HORMAD2: variants seen among roughly 807,000 people sequenced by gnomAD.
HORMAD2 encodes the protein HORMA domain containing 2.
In HORMAD2, 45 loss-of-function variants were observed where a neutral mutation model predicts 38.8. The ratio of observed to expected loss-of-function variants is 1.16; its 90% CI spans 0.91 to 1.49. The LOEUF (loss-of-function observed/expected upper bound fraction) is 1.49. Among genes scored for constraint, HORMAD2 ranks in the 40% most tolerant of loss-of-function variants. HORMAD2 has a pLI of 0.00. For synonymous variants in HORMAD2, 126 were observed against 122.8 expected (o/e 1.03, Z -0.17); for missense variants, 338 against 367.0 (o/e 0.92, Z 0.65).
At chr22:30,080,449 A>C (rs1378644257), upstream of HORMAD2, 1 of 152,342 alleles carries the variant, frequency 6.6e-6, no homozygotes, top group Non-Finnish European at 1.5e-5. Context: ...GGGCCGGAAA[A>C]GGCCGTTGAC....
At chr22:30,134,974 G>A (rs957712740) in intron 10 of HORMAD2, among the ~76,000 whole-genome samples, 12 of 152,096 alleles carry the variant, frequency 7.9e-5, no homozygotes, top group African/African-American at 2.4e-5. Flanking sequence ...ACAACTTTGC[G>A]TGATATTTTA....
intron 10 of HORMAD2, among the ~76,000 whole-genome samples, chr22:30,153,205 T>A (rs1428377291): frequency 6.6e-6 from 1 of 152,200 alleles, no homozygotes; most frequent in African/African-American, 2.4e-5. Flanking sequence ...CTGTTCTTAC[T>A]GCCAAAACTC....
intron 10 of HORMAD2, among the ~76,000 whole-genome samples, chr22:30,163,427 CT>C (rs1925577100): frequency 6.6e-6 from 1 of 151,832 alleles, no homozygotes; most frequent in Admixed American, 6.6e-5. Context: ...ATTTTCTTTT[CT>C]TTTTTTGTTT....
intron 3 of HORMAD2, among the ~76,000 whole-genome samples, chr22:30,101,882 C>A (rs992105057): frequency 6.6e-6 from 1 of 152,072 alleles, no homozygotes; most frequent in African/African-American, 2.4e-5. Flanking sequence ...GCCTGAACAA[C>A]ACGGTGAAAC....
At chr22:30,172,451 C>G (rs1396563107) in intron 10 of HORMAD2, among the ~76,000 whole-genome samples, 1 of 152,192 alleles carries the variant, frequency 6.6e-6, no homozygotes, top group East Asian at 1.9e-4. Flanking sequence ...ACTATGTCTC[C>G]TTGATCTTTG....
Position 30,094,007 on chromosome 22 carries a change from T to C in HORMAD2, c.51+4T>C. The C allele has an allele frequency of 6.3e-7, 1 of 1,594,616 alleles. No individual in the cohort carries two copies. The highest frequency in any genetic ancestry group is 8.6e-7 in the Non-Finnish European group (1 of 1,166,356). On this transcript the variant is annotated splice_donor_region_variant and intron_variant, in intron 2 of 10. Transcript: ENST00000336726. ...CACAATACACAAGGCTTCTAAGGTA[T>C]TTGTTAAGAATTAAAAGAAAATCAA...
At chr22:30,139,977 T>A (rs1451987580) in intron 10 of HORMAD2, among the ~76,000 whole-genome samples, 2 of 148,238 alleles carry the variant, frequency 1.3e-5, no homozygotes, top group African/African-American at 2.6e-5. Flanking sequence ...GTGTGTGTAT[T>A]TATATTGCTA....
intron 10 of HORMAD2, among the ~76,000 whole-genome samples, chr22:30,166,616 G>T (rs1925797208): frequency 6.6e-6 from 1 of 152,274 alleles, no homozygotes; most frequent in East Asian, 1.9e-4. Flanking sequence ...ATTGTGTAAA[G>T]CATTGCAGAG....
the HORMAD2 span, among the ~76,000 whole-genome samples, chr22:30,203,133 G>A: frequency 2.6e-5 from 4 of 152,184 alleles, no homozygotes; most frequent in Non-Finnish European, 4.4e-5. Flanking sequence ...TCAGCCTTAC[G>A]CCTGTAATCC....
intron 10 of HORMAD2, among the ~76,000 whole-genome samples, chr22:30,162,950 C>T (rs1925542693): frequency 6.6e-6 from 1 of 152,110 alleles, no homozygotes; most frequent in Non-Finnish European, 1.5e-5. Flanking sequence ...GATCCACCCG[C>T]CTCAGCCTCC....
intron 1 of HORMAD2, among the ~76,000 whole-genome samples, chr22:30,085,118 C>T (rs2068548000): frequency 6.6e-6 from 1 of 151,372 alleles, no homozygotes; most frequent in Admixed American, 6.6e-5. Flanking sequence ...TGCACTCCAG[C>T]CTGGGCAACA....
chr22:30,130,032 TA>T (rs1177029016), intron 10 of HORMAD2, among the ~76,000 whole-genome samples: 7 of 152,166 alleles, frequency 4.6e-5, no homozygotes. Context: ...TTTAAAACTT[TA>T]AAAATAATTT....
chr22:30,079,834 C>G (rs573701396), upstream of HORMAD2, among the ~76,000 whole-genome samples: 29 of 152,324 alleles, frequency 1.9e-4, no homozygotes, highest in South Asian at 6.0e-3. Flanking sequence ...CGCGCGCCAC[C>G]ACGCCCAGCT....
At chr22:30,180,914 TCCCTTC>T (rs1222064243), downstream of HORMAD2, among the ~76,000 whole-genome samples, 1 of 72,568 alleles carries the variant, frequency 1.4e-5, no homozygotes, top group East Asian at 4.1e-4. Flanking sequence ...CCTTTCCCTT[TCCCTTC>T]CCTCTCCTCT....
intron 10 of HORMAD2, chr22:30,136,772 A>C (rs552290540): frequency 5.0e-6 from 1 of 198,094 alleles, no homozygotes; most frequent in South Asian, 1.1e-4. Flanking sequence ...TACCTTCACC[A>C]TGAAGCTACA....
chr22:30,124,964 A>T (rs1030422918), intron 10 of HORMAD2, among the ~76,000 whole-genome samples: 2 of 152,150 alleles, frequency 1.3e-5, no homozygotes, highest in Non-Finnish European at 2.9e-5. Context: ...GCTAGATATG[A>T]AATGGTAATG....
chr22:30,162,982 G>A (rs1249329529), intron 10 of HORMAD2, among the ~76,000 whole-genome samples: 5 of 151,978 alleles, frequency 3.3e-5, no homozygotes, highest in Non-Finnish European at 7.4e-5. Flanking sequence ...GATTACAGGC[G>A]TGAGCCACCA....
rs191762027 is a variant in HORMAD2 at position 30,151,391 on chromosome 22, A to G, written c.820-24672A>G. 3.3e-5 allele frequency among the ~76,000 whole-genome samples: 5 copies of G among 152,334 alleles called. No individual in the cohort carries two copies. In the East Asian group the frequency reaches 9.6e-4, roughly 29 times the overall value. On this transcript the variant is annotated intron_variant, in intron 10 of 10. Transcript: ENST00000336726. ...ACATAAATATGTCAAGAGTTAGTTT[A>G]TAGGACAAGCAATGCAGTTTTCTTT...
chr22:30,088,287 A>T (rs1444915230), intron 1 of HORMAD2, among the ~76,000 whole-genome samples: 1 of 150,778 alleles, frequency 6.6e-6, no homozygotes, highest in Non-Finnish European at 1.5e-5. Context: ...ATATATACAT[A>T]CATATATATA....
Sources: gnomAD v4.1 joint callset for allele counts (sites outside exome capture counted in the v4.1 genomes callset) on GRCh38, gnomAD v4.1.1 for gene constraint, MANE v1.5 for transcripts, NCBI Gene and HGNC (gene_info 2026-07-23, HGNC 2026-07-21) for gene names.